The following FIBCD1 variants were observed in gnomAD, a reference collection of about 807,000 sequenced individuals.
FIBCD1 encodes fibrinogen C domain-containing protein 1.
A neutral mutation model predicts 45.1 loss-of-function variants in FIBCD1; 47 were observed. The ratio of observed to expected loss-of-function variants is 1.04; its 90% CI spans 0.82 to 1.33. FIBCD1 has a LOEUF of 1.33. FIBCD1 is among the 40% of genes most tolerant of loss of function. The pLI is 0.00. For synonymous variants in FIBCD1, 313 were observed against 308.1 expected (o/e 1.02, Z -0.17); for missense variants, 653 against 682.2 (o/e 0.96, Z 0.48).
At chr9:130,923,159 T>A (rs567008805) in intron 4 of FIBCD1, among the ~76,000 whole-genome samples, 1 of 152,350 alleles carries the variant, frequency 6.6e-6, no homozygotes, top group Admixed American at 6.5e-5. Context: ...GCAGGGCGTC[T>A]GCCCCATTCT....
chr9:130,930,620 G>A (rs892277856), intron 1 of FIBCD1, among the ~76,000 whole-genome samples: 15 of 152,078 alleles, frequency 9.9e-5, no homozygotes, highest in Middle Eastern at 3.4e-3. Context: ...AGGGACCCAC[G>A]GTCACCTGTG....
intron 4 of FIBCD1, among the ~76,000 whole-genome samples, chr9:130,920,731 C>T (rs1832247091): frequency 6.6e-6 from 1 of 152,068 alleles, no homozygotes; most frequent in Non-Finnish European, 1.5e-5. Flanking sequence ...ACCGTGGCCC[C>T]CAAACAAGCC....
At position 130,903,193 on chromosome 9, in the gene FIBCD1, C is replaced by G. The variant is rs568597013; in HGVS notation, c.*871G>C. On this transcript the variant is annotated 3_prime_UTR_variant, in exon 7 of 7. Coordinates refer to ENST00000372338, the MANE Select transcript of FIBCD1 (RefSeq NM_032843.5). The stretch of plus-strand genomic sequence containing the variant: ...CTGCCTAGGCCCCAGCCCAGAAAAC[C>G]AAGAGCTTCCCATTAGCGCAGTCCA... 2 of 152,966 alleles carry G rather than the reference C, an allele frequency of 1.3e-5. No homozygotes were observed. Among genetic ancestry groups the G allele is most frequent in the African/African-American group, 4.8e-5 (2 of 41,570 alleles). 9.5% of individuals were successfully genotyped at this position (152,966 alleles called of 1,614,324 possible). A position where few individuals can be genotyped will look rare whatever the true frequency, so the allele number is the denominator to read the frequency against.
At chr9:130,909,986 C>G (rs1463473180) in intron 5 of FIBCD1, among the ~76,000 whole-genome samples, 1 of 152,236 alleles carries the variant, frequency 6.6e-6, no homozygotes, top group Non-Finnish European at 1.5e-5. Flanking sequence ...CCCTCGCTCT[C>G]GGCGCCTCCT....
chr9:130,911,978 C>T (rs1259310044), intron 4 of FIBCD1, 90 bp from the exon 5 acceptor site: 21 of 1,211,660 alleles, frequency 1.7e-5, no homozygotes, highest in Admixed American at 2.1e-5. Context: ...AGACTCCCCT[C>T]ACCCTGCTCC....
chr9:130,925,111 G>C lies in FIBCD1; in HGVS notation c.553-715C>G, dbSNP rs1031279500. ...CCCCTCAGGCTTCTGGACCAACAAG[G>C]CTCCCCCGTCCCACCCCCACTCCCC... On this transcript the variant is annotated intron_variant, in intron 2 of 6. Coordinates refer to ENST00000372338, the MANE Select transcript of FIBCD1 (RefSeq NM_032843.5). 5.3e-5 allele frequency among the ~76,000 whole-genome samples: 8 copies of C among 152,234 alleles called. No homozygotes were observed. The South Asian group carries it at 1.2e-3, about 24-fold the overall frequency.
At chr9:130,927,156 T>C (rs1201949979) in intron 2 of FIBCD1, among the ~76,000 whole-genome samples, 1 of 151,850 alleles carries the variant, frequency 6.6e-6, no homozygotes, top group Non-Finnish European at 1.5e-5. Context: ...GGTGGGAGGA[T>C]TGTCTGAGCC....
At chr9:130,907,453 C>G (rs1430540184) in intron 5 of FIBCD1, among the ~76,000 whole-genome samples, 1 of 152,232 alleles carries the variant, frequency 6.6e-6, no homozygotes, top group African/African-American at 2.4e-5. Flanking sequence ...TGATCCAACT[C>G]CTTCACCAGC....
At position 130,933,738 on chromosome 9, in the gene FIBCD1, C is replaced by T. The variant is rs955267632; in HGVS notation, c.73-3692G>A. Reference sequence around the variant, plus strand: ...AAGCGGCGGGCGGGTGGGGGGGGGGCGGCTCAGGAGGAAGGGATTTGATGC... The same window carrying T: ...AAGCGGCGGGCGGGTGGGGGGGGGGTGGCTCAGGAGGAAGGGATTTGATGC... On this transcript the variant is annotated intron_variant, in intron 1 of 6. Coordinates refer to ENST00000372338, the MANE Select transcript of FIBCD1 (RefSeq NM_032843.5). 30 of 124,374 alleles carry T rather than the reference C, an allele frequency of 2.4e-4. 1 individual carries two copies. Among genetic ancestry groups the T allele is most frequent in the East Asian group, 6.9e-4 (3 of 4,358 alleles). 7.7% of individuals were successfully genotyped at this position (124,374 alleles called of 1,614,324 possible). A position where few individuals can be genotyped will look rare whatever the true frequency, so the allele number is the denominator to read the frequency against.
At chr9:130,909,330 G>A (rs2133071879) in intron 5 of FIBCD1, among the ~76,000 whole-genome samples, 1 of 152,196 alleles carries the variant, frequency 6.6e-6, no homozygotes, top group East Asian at 1.9e-4. Context: ...ACACCCGGGG[G>A]GCTTAAGTGC....
intron 4 of FIBCD1, among the ~76,000 whole-genome samples, chr9:130,912,728 TG>T (rs1279923950): frequency 8.1e-5 from 12 of 148,186 alleles, no homozygotes; most frequent in Admixed American, 1.3e-4. Flanking sequence ...GGAATCTCGG[TG>T]GGGTGGAGGA....
intron 4 of FIBCD1, among the ~76,000 whole-genome samples, chr9:130,923,309 T>C (rs944369576): frequency 3.9e-5 from 6 of 152,110 alleles, no homozygotes; most frequent in Admixed American, 1.3e-4. Context: ...GGGTCTCTGC[T>C]CCTCCAGCCA....
intron 1 of FIBCD1, chr9:130,937,922 C>T (rs1230935200): frequency 6.6e-6 from 1 of 152,428 alleles, no homozygotes; most frequent in Non-Finnish European, 1.5e-5. Context: ...GGGTTCAAAT[C>T]CCGACAGAGC....
intron 4 of FIBCD1, 43 bp downstream of exon 4, chr9:130,923,701 C>T: frequency 1.2e-6 from 2 of 1,602,610 alleles, no homozygotes; most frequent in Non-Finnish European, 1.7e-6. Context: ...GCCTCACGGT[C>T]CCCGGTGCCT....
At chr9:130,911,763 C>G (rs1369675997) in intron 5 of FIBCD1, 29 bp downstream of exon 5, 3 of 1,575,760 alleles carry the variant, frequency 1.9e-6, no homozygotes, top group Admixed American at 3.6e-5. Context: ...GGAGGCCCAC[C>G]TGGGCCGGAT....
Position 130,905,331 on chromosome 9 carries a change from G to A in FIBCD1, c.1029C>T (p.Ala343=), listed in dbSNP as rs373810288. The change falls in exon 6 of 7, where the codon GCC becomes GCT. Residue 343 remains alanine, a synonymous_variant. Transcript: ENST00000372338. ...CGCCGAAGCTCCCGTAGCGGGCATA[G>A]GCCGTGCCATTCTCAAAGTCCTCCA... ...VDLEDFENGT[A]YARYGSFGVG... 10 of 1,613,922 alleles carry A rather than the reference G, an allele frequency of 6.2e-6. No homozygotes were observed. Among genetic ancestry groups the A allele is most frequent in the Non-Finnish European group, 8.5e-6 (10 of 1,180,000 alleles).
rs548389128 is a variant in FIBCD1 at position 130,931,106 on chromosome 9, G to A, written c.73-1060C>T. The stretch of plus-strand genomic sequence containing the variant: ...CCCCTGGCAGAGCAAATGCCAACCC[G>A]CTGGGCCAGGTAGCCCTAAGGCCAC... On this transcript the variant is annotated intron_variant, in intron 1 of 6. Transcript: ENST00000372338. 3.9e-5 allele frequency among the ~76,000 whole-genome samples: 6 copies of A among 152,138 alleles called. No individual in the cohort carries two copies. In the East Asian group the frequency reaches 7.7e-4, roughly 20 times the overall value.
intron 1 of FIBCD1, 52 bp downstream of exon 1, chr9:130,938,484 G>T: frequency 7.1e-7 from 1 of 1,411,326 alleles, no homozygotes; most frequent in Non-Finnish European, 9.2e-7. Context: ...CGGCCCGAGC[G>T]GCCACCGCCT....
At chr9:130,912,736 A>AG (rs1396840742) in intron 4 of FIBCD1, among the ~76,000 whole-genome samples, 1 of 140,254 alleles carries the variant, frequency 7.1e-6, no homozygotes, top group Non-Finnish European at 1.6e-5. Context: ...GGTGGGGTGG[A>AG]GGAAAGCCGG....
Sources: allele counts gnomAD v4.1 joint callset (sites outside exome capture counted in the v4.1 genomes callset), GRCh38; gene constraint gnomAD v4.1.1; transcripts MANE v1.5; gene names NCBI Gene and HGNC (gene_info 2026-07-23, HGNC 2026-07-21).